Variants in UIMC1 observed in about 807,000 individuals in gnomAD.
UIMC1 encodes the protein ubiquitin interaction motif containing 1.
Under a neutral mutation model 84.9 loss-of-function variants are expected in UIMC1, and 42 were observed. The ratio of observed to expected loss-of-function variants is 0.49; its 90% CI spans 0.39 to 0.64. The LOEUF (loss-of-function observed/expected upper bound fraction) is 0.64. UIMC1 is among the 30% of genes least tolerant of loss of function. The pLI, the probability that UIMC1 is intolerant of heterozygous loss-of-function variation, is 0.00. For synonymous variants in UIMC1, 281 were observed against 293.0 expected (o/e 0.96, Z 0.42); for missense variants, 825 against 847.6 (o/e 0.97, Z 0.33).
At chr5:176,934,737 C>T (rs142063682) in intron 10 of UIMC1, among the ~76,000 whole-genome samples, 65 of 152,322 alleles carry the variant, frequency 4.3e-4, no homozygotes, top group African/African-American at 1.4e-3. Flanking sequence ...AGTGACTACA[C>T]CGTAAGTGGA....
chr5:176,963,392 A>AGG (rs1188046076), intron 6 of UIMC1, among the ~76,000 whole-genome samples: 3 of 151,864 alleles, frequency 2.0e-5, no homozygotes, highest in Non-Finnish European at 4.4e-5. Context: ...ATGGTGGTGC[A>AGG]TGCCTGTGAC....
intron 2 of UIMC1, among the ~76,000 whole-genome samples, chr5:176,975,975 A>C (rs1209201170): frequency 1.3e-5 from 2 of 152,082 alleles, no homozygotes; most frequent in Non-Finnish European, 2.9e-5. Context: ...CGCAAACAAA[A>C]TAATCAAGAA....
intron 10 of UIMC1, among the ~76,000 whole-genome samples, chr5:176,920,777 T>C (rs1262789989): frequency 1.3e-5 from 2 of 152,238 alleles, no homozygotes; most frequent in Non-Finnish European, 2.9e-5. Flanking sequence ...TTATTTCATC[T>C]CTTTCCTAAC....
chr5:176,990,888 T>C (rs1772740994), intron 1 of UIMC1, among the ~76,000 whole-genome samples: 1 of 152,042 alleles, frequency 6.6e-6, no homozygotes, highest in Non-Finnish European at 1.5e-5. Flanking sequence ...CCCAGGCTGG[T>C]CTTGAACTCC....
At chr5:176,960,628 C>CCTCCGT (rs72221323) in intron 6 of UIMC1, among the ~76,000 whole-genome samples, 374 of 31,286 alleles carry the variant, frequency 0.012, 88 homozygotes, top group African/African-American at 0.061. Flanking sequence ...TCCCCCTCCC[C>CCTCCGT]CTCCGTCTCC....
intron 10 of UIMC1, among the ~76,000 whole-genome samples, chr5:176,931,283 A>G (rs1212749202): frequency 6.6e-6 from 1 of 152,202 alleles, no homozygotes; most frequent in African/African-American, 2.4e-5. Context: ...GCCTGAATTT[A>G]AAAGTGTGAC....
chr5:176,980,967 C>T (rs1192029368), intron 2 of UIMC1, among the ~76,000 whole-genome samples: 5 of 152,012 alleles, frequency 3.3e-5, no homozygotes, highest in Non-Finnish European at 7.4e-5. Flanking sequence ...TCTCAAACGC[C>T]TGGCCTCAAG....
chr5:176,908,184 A>G (rs927391084), intron 12 of UIMC1, among the ~76,000 whole-genome samples: 1 of 152,010 alleles, frequency 6.6e-6, no homozygotes, highest in East Asian at 1.9e-4. Flanking sequence ...AAGGGGGGAG[A>G]GGGAGAATAG....
chr5:176,917,687 C>T (rs1404140863), intron 10 of UIMC1, among the ~76,000 whole-genome samples: 1 of 150,910 alleles, frequency 6.6e-6, no homozygotes, highest in Non-Finnish European at 1.5e-5. Flanking sequence ...GGGCAAGGAG[C>T]GGTGGCTCAC....
chr5:176,999,872 A>T (rs960830926), intron 1 of UIMC1, among the ~76,000 whole-genome samples: 1 of 152,198 alleles, frequency 6.6e-6, no homozygotes, highest in African/African-American at 2.4e-5. Context: ...GGGAGTGCAG[A>T]TATCTCTTCA....
chr5:176,941,936 C>T (rs769375949), intron 10 of UIMC1, among the ~76,000 whole-genome samples: 52 of 152,202 alleles, frequency 3.4e-4, no homozygotes, highest in South Asian at 8.3e-4. Flanking sequence ...CTCTGCCTCC[C>T]GGGTTCAAGC....
intron 2 of UIMC1, among the ~76,000 whole-genome samples, chr5:176,979,184 T>C (rs1252526562): frequency 6.6e-6 from 1 of 152,232 alleles, no homozygotes; most frequent in Non-Finnish European, 1.5e-5. Context: ...GGAGAGATTA[T>C]TGGAAAGTGT....
chr5:176,958,073 A>G lies in UIMC1; in HGVS notation c.1262+20T>C. The G allele has an allele frequency of 1.9e-6, 3 of 1,612,592 alleles. 1 individual carries two copies. The South Asian group carries it at 3.3e-5, about 18-fold the overall frequency. ...TGGCAACCATCAGAGGAGAATGCATAGCAACATATAATCTCTCACCTTTGT... is the reference window on the plus strand; with the variant it reads ...TGGCAACCATCAGAGGAGAATGCATGGCAACATATAATCTCTCACCTTTGT... On this transcript the variant is annotated intron_variant, in intron 7 of 14. Coordinates refer to ENST00000511320, the MANE Select transcript of UIMC1 (RefSeq NM_001199298.2).
chr5:176,928,285 CCTG>C lies in UIMC1; in HGVS notation c.1597+15047_1597+15049del, dbSNP rs1467119515. On this transcript the variant is annotated intron_variant, in intron 10 of 14. Transcript: ENST00000511320. ...AGTAGTTGCGACAGAGACCAAACGG[CCTG>C]CAAAGCCTAAAATATTTACTATCTG... Among the ~76,000 whole-genome samples, 33 of 152,212 alleles carry C rather than the reference CCTG, an allele frequency of 2.2e-4. No individual in the cohort carries two copies. In the East Asian group the frequency reaches 5.6e-3, roughly 26 times the overall value.
chr5:176,928,494 G>A (rs1762664858), intron 10 of UIMC1, among the ~76,000 whole-genome samples: 1 of 152,124 alleles, frequency 6.6e-6, no homozygotes. Flanking sequence ...AGAACTTCTT[G>A]GGGTTTGACT....
chr5:176,997,026 G>A (rs1029232215), intron 1 of UIMC1, among the ~76,000 whole-genome samples: 6 of 152,006 alleles, frequency 3.9e-5, no homozygotes, highest in Non-Finnish European at 7.4e-5. Flanking sequence ...CTATGTGCAC[G>A]CGTGCGCACA....
At chr5:176,972,296 C>T (rs545596193) in intron 3 of UIMC1, among the ~76,000 whole-genome samples, 7 of 151,606 alleles carry the variant, frequency 4.6e-5, no homozygotes, top group South Asian at 2.1e-4. Flanking sequence ...CAGCTACTCA[C>T]GAGGCTGAGG....
At chr5:176,935,120 G>GA (rs1311987336) in intron 10 of UIMC1, among the ~76,000 whole-genome samples, 3 of 152,048 alleles carry the variant, frequency 2.0e-5, no homozygotes, top group Admixed American at 6.6e-5. Context: ...TATTTGAGTT[G>GA]AAAAAAATGC....
intron 7 of UIMC1, among the ~76,000 whole-genome samples, chr5:176,956,389 A>G (rs1766600587): frequency 6.6e-6 from 1 of 152,226 alleles, no homozygotes; most frequent in South Asian, 2.1e-4. Flanking sequence ...CCTCCATCTC[A>G]GCCTTCTGAA....
Sources: gnomAD v4.1 joint callset for allele counts (sites outside exome capture counted in the v4.1 genomes callset) on GRCh38, gnomAD v4.1.1 for gene constraint, MANE v1.5 for transcripts, NCBI Gene and HGNC (gene_info 2026-07-23, HGNC 2026-07-21) for gene names.